Variants in GLIS3 observed in about 807,000 individuals in gnomAD.
GLIS3 encodes GLIS family zinc finger 3, also known as zinc finger protein GLIS3.
A neutral mutation model predicts 78.6 loss-of-function variants in GLIS3; 53 were observed. That is an observed-to-expected ratio of 0.67 (90% CI 0.54 to 0.85). GLIS3 has a LOEUF of 0.85. Ranked by LOEUF, GLIS3 falls within the 40% of genes least tolerant of loss-of-function variation. The probability of loss-of-function intolerance (pLI) is 0.00; values close to 1 mark genes in which losing one functional copy is unlikely to be tolerated. For synonymous variants in GLIS3, 684 were observed against 509.9 expected (o/e 1.34, Z -4.60); for missense variants, 1,703 against 1,231.1 (o/e 1.38, Z -5.74).
chr9:4,138,906 G>A (rs1305643432), intron 2 of GLIS3, among the ~76,000 whole-genome samples: 1 of 152,184 alleles, frequency 6.6e-6, no homozygotes, highest in Non-Finnish European at 1.5e-5. Context: ...AAGAGCTACA[G>A]TAGACTTGCA....
the GLIS3 span, among the ~76,000 whole-genome samples, chr9:4,415,516 T>C: frequency 5.2e-4 from 79 of 152,282 alleles, 2 homozygotes; most frequent in Non-Finnish European, 7.6e-4. Context: ...TGTTTGCAAA[T>C]TGCACTTGAA....
chr9:3,918,715 A>T (rs1824678624), intron 6 of GLIS3, among the ~76,000 whole-genome samples: 1 of 152,184 alleles, frequency 6.6e-6, no homozygotes, highest in African/African-American at 2.4e-5. Flanking sequence ...CTTGCCCTCT[A>T]CAGGGCCATC....
chr9:4,299,173 G>A (rs1050608325), intron 1 of GLIS3, among the ~76,000 whole-genome samples: 9 of 152,194 alleles, frequency 5.9e-5, no homozygotes, highest in African/African-American at 1.7e-4. Context: ...TTAGGCCACT[G>A]ACAGAAACAT....
intron 4 of GLIS3, among the ~76,000 whole-genome samples, chr9:4,057,678 G>A (rs906327239): frequency 4.0e-5 from 6 of 151,074 alleles, no homozygotes; most frequent in African/African-American, 9.7e-5. Context: ...AGGTCAGATC[G>A]ACTTCCTAGA....
chr9:3,953,795 C>CTCTCTCTCTATATATATATATA (rs1403671770), intron 4 of GLIS3, among the ~76,000 whole-genome samples: 4 of 73,342 alleles, frequency 5.5e-5, no homozygotes, highest in African/African-American at 1.7e-4. Context: ...CTCTCTCTCT[C>CTCTCTCTCTATATATATATATA]TATATATATA....
intron 7 of GLIS3, among the ~76,000 whole-genome samples, chr9:3,892,908 G>A (rs747932519): frequency 9.9e-5 from 15 of 152,148 alleles, no homozygotes; most frequent in Non-Finnish European, 1.5e-5. Flanking sequence ...AATAGACTCA[G>A]CCTTCTCTTC....
At chr9:4,033,427 T>C (rs958942772) in intron 4 of GLIS3, among the ~76,000 whole-genome samples, 1 of 152,036 alleles carries the variant, frequency 6.6e-6, no homozygotes, top group African/African-American at 2.4e-5. Context: ...AGGCCCCAAA[T>C]ATCCACAGCA....
At chr9:4,284,324 T>C (rs934930095) in intron 2 of GLIS3, among the ~76,000 whole-genome samples, 2 of 152,168 alleles carry the variant, frequency 1.3e-5, no homozygotes, top group Non-Finnish European at 2.9e-5. Flanking sequence ...CCATTATTAG[T>C]GTCAGTCAGG....
chr9:3,856,218 A>T, intron 8 of GLIS3, 34 bp from the exon 9 acceptor site: 1 of 1,588,030 alleles, frequency 6.3e-7, no homozygotes, highest in Non-Finnish European at 8.6e-7. Context: ...AACATGAGGG[A>T]CATAAAACAG....
Position 3,933,737 on chromosome 9 carries a change from C to T in GLIS3, c.1873-1267G>A, listed in dbSNP as rs183334390. 6.0e-4 allele frequency among the ~76,000 whole-genome samples: 91 copies of T among 152,230 alleles called. 1 individual carries two copies. On this transcript the variant is annotated intron_variant, in intron 5 of 10. Transcript: ENST00000381971. Reference sequence around the variant, plus strand: ...AACAAAAAATCTGATTAATCTGATTCCTTTTTAATGTTGCTTCTGTTTTTA... The same window carrying T: ...AACAAAAAATCTGATTAATCTGATTTCTTTTTAATGTTGCTTCTGTTTTTA...
chr9:4,195,341 G>C (rs888910888), intron 2 of GLIS3, among the ~76,000 whole-genome samples: 1 of 152,226 alleles, frequency 6.6e-6, no homozygotes, highest in Non-Finnish European at 1.5e-5. Flanking sequence ...GGTGCTCGCA[G>C]GCCAGCGCGA....
chr9:4,463,548 A>G, the GLIS3 span, among the ~76,000 whole-genome samples: 2 of 152,182 alleles, frequency 1.3e-5, no homozygotes, highest in Non-Finnish European at 2.9e-5. Context: ...CGATTAGATT[A>G]ATTTATACTA....
At chr9:3,829,198 A>C (rs1368624475) in intron 10 of GLIS3, 112 bp downstream of exon 10, 2 of 888,482 alleles carry the variant, frequency 2.3e-6, no homozygotes, top group African/African-American at 3.3e-5. Context: ...GTTCAACAGG[A>C]TTTGATGCGG....
chr9:3,940,508 A>G (rs1815802628), intron 4 of GLIS3, among the ~76,000 whole-genome samples: 1 of 152,122 alleles, frequency 6.6e-6, no homozygotes, highest in African/African-American at 2.4e-5. Context: ...ACAATATCCT[A>G]TGTTCAGGTC....
chr9:4,444,747 C>T, the GLIS3 span, among the ~76,000 whole-genome samples: 1 of 152,198 alleles, frequency 6.6e-6, no homozygotes, highest in African/African-American at 2.4e-5. Flanking sequence ...TACACACATC[C>T]ACTCTCTCTA....
chr9:4,239,011 A>G (rs888613452), intron 2 of GLIS3, among the ~76,000 whole-genome samples: 3 of 152,064 alleles, frequency 2.0e-5, no homozygotes, highest in South Asian at 2.1e-4. Context: ...TACAAAGGAC[A>G]TGAACTCATC....
chr9:3,847,139 G>A (rs1480845981), intron 9 of GLIS3, among the ~76,000 whole-genome samples: 5 of 152,138 alleles, frequency 3.3e-5, no homozygotes, highest in African/African-American at 9.7e-5. Context: ...AGCCGAGATC[G>A]CGCCTCTGTA....
rs555916120 is a variant in GLIS3 at position 4,287,454 on chromosome 9, T to C, written c.-98-931A>G. Among the ~76,000 whole-genome samples, 429 of 152,330 alleles carry C rather than the reference T, an allele frequency of 2.8e-3. 1 individual carries two copies. The highest frequency in any genetic ancestry group is 9.0e-3 in the African/African-American group (373 of 41,574). Reference sequence around the variant, plus strand: ...GTAAATCACTAAAGAAGGCCCCTCCTTCCCTTGACCAATAGCTCCCCAAAA... The same window carrying C: ...GTAAATCACTAAAGAAGGCCCCTCCCTCCCTTGACCAATAGCTCCCCAAAA... On this transcript the variant is annotated intron_variant, in intron 1 of 10. Coordinates refer to ENST00000381971, the MANE Select transcript of GLIS3 (RefSeq NM_001042413.2).
chr9:4,150,519 CT>C (rs985569938), intron 2 of GLIS3, among the ~76,000 whole-genome samples: 3 of 152,238 alleles, frequency 2.0e-5, no homozygotes, highest in African/African-American at 7.2e-5. Flanking sequence ...AGCACACAGC[CT>C]GGCACAAACC....
Sources: gnomAD v4.1 joint callset for allele counts (sites outside exome capture counted in the v4.1 genomes callset) on GRCh38, gnomAD v4.1.1 for gene constraint, MANE v1.5 for transcripts, NCBI Gene and HGNC (gene_info 2026-07-23, HGNC 2026-07-21) for gene names.